Variants in MYO16 observed in about 807,000 individuals in gnomAD.
MYO16 encodes unconventional myosin-XVI.
A neutral mutation model predicts 205.3 loss-of-function variants in MYO16; 94 were observed. The ratio of observed to expected loss-of-function variants is 0.46; its 90% confidence interval spans 0.39 to 0.54. The LOEUF (loss-of-function observed/expected upper bound fraction) is 0.54, where lower values mean the gene tolerates loss of function less well. Ranked by LOEUF, MYO16 falls within the 20% of genes least tolerant of loss-of-function variation. MYO16 has a pLI of 0.00. For synonymous variants in MYO16, 988 were observed against 954.0 expected, an observed-to-expected ratio of 1.04 and a Z score of -0.66; for missense variants, 2,315 against 2,387.5, an observed-to-expected ratio of 0.97 and a Z score of 0.63.
At chr13:108,808,807 AATG>A (rs1406821603) in intron 7 of MYO16, among the ~76,000 whole-genome samples, 2 of 152,210 alleles carry the variant, frequency 1.3e-5, no homozygotes, top group Non-Finnish European at 2.9e-5. Flanking sequence ...AAAACCCTTT[AATG>A]ATTAACATAT....
intron 34 of MYO16, among the ~76,000 whole-genome samples, chr13:109,201,940 C>G (rs72658233): frequency 0.23 from 34,662 of 151,680 alleles, 4,127 homozygotes; most frequent in Middle Eastern, 0.25. Context: ...ACTTTTTATG[C>G]CAGAGTAGTA....
Position 108,785,834 on chromosome 13 carries a change from C to A in MYO16, c.616+91C>A, listed in dbSNP as rs184903440. Reference sequence around the variant, plus strand: ...TTCACAGGTTTGCTTACATGATTTCCGATGGATGTAGTTTCCGCACGTGGT... The same window carrying A: ...TTCACAGGTTTGCTTACATGATTTCAGATGGATGTAGTTTCCGCACGTGGT... On this transcript the variant is annotated intron_variant, in intron 5 of 34. Transcript: ENST00000457511. The A allele has an allele frequency of 3.6e-6, 3 of 835,418 alleles. No individual in the cohort carries two copies. The African/African-American group carries it at 5.1e-5, about 14-fold the overall frequency. 51.8% of individuals were successfully genotyped at this position (835,418 alleles called of 1,614,324 possible).
At chr13:108,872,089 A>T (rs1489699875) in intron 12 of MYO16, among the ~76,000 whole-genome samples, 1 of 152,184 alleles carries the variant, frequency 6.6e-6, no homozygotes, top group Non-Finnish European at 1.5e-5. Context: ...TTAATTCTGT[A>T]TGCACCAAGG....
rs560815999 is a variant in MYO16, at chr13:109,164,929, C to T, written c.5193C>T (p.Ser1731=). The T allele has an allele frequency of 9.5e-6, 15 of 1,586,806 alleles. No homozygotes were observed. The South Asian group carries it at 1.4e-4, about 15-fold the overall frequency. ...EGFETNMNIS[S]RDDPSTSEIT... is the part of the protein sequence containing the mutation. ...TTGAAACTAACATGAACATAAGTAG[C>T]CGAGATGACCCTAGTACGTCAGAAA... The change falls in exon 33 of 35, where the codon AGC becomes AGT. Residue 1731 remains serine, a synonymous_variant. Transcript: ENST00000457511.
At chr13:108,757,944 A>G (rs9559404) in intron 4 of MYO16, among the ~76,000 whole-genome samples, 1 of 152,310 alleles carries the variant, frequency 6.6e-6, no homozygotes, top group East Asian at 1.9e-4. Context: ...AAAAATTCAT[A>G]GGTTGCAATT....
At position 109,127,457 on chromosome 13, in the gene MYO16, C is replaced by G. The variant is rs1184436105; in HGVS notation, c.3958C>G (p.Pro1320Ala). ...SLPSPRKQPPPKPKRDPNTRL... is the reference protein window; with the variant it reads ...SLPSPRKQPPAKPKRDPNTRL... ...CCCGTCTCCACGGAAACAGCCCCCG[C>G]CCAAGCCAAAGAGGGACCCCAACAC... The change falls in exon 31 of 35, where the codon CCC becomes GCC. Residue 1320 changes from proline to alanine, a missense_variant. By Grantham distance (27) the Pro-to-Ala change is conservative (BLOSUM62 -1). Around this residue, in one of 3 missense-constraint regions of MYO16, gnomAD observed 1,097 missense variants for 1,092.0 expected, o/e 1.00. Transcript: ENST00000457511. This position sits in a 1 kb window ranked among gnomAD's most constrained non-coding sequence, Gnocchi z 4.2. 3.1e-6 allele frequency: 5 copies of G among 1,613,908 alleles called. No homozygotes were observed. In the East Asian group the frequency reaches 1.1e-4, roughly 36 times the overall value.
Position 109,171,720 on chromosome 13 carries a change from G to T in MYO16, c.5323+6661G>T, listed in dbSNP as rs1025292482. Reference sequence around the variant, plus strand: ...TTGTGAACATAAAGATGTTTATTTTGTGGGGACACACAGATATAAAAAATT... The same window carrying T: ...TTGTGAACATAAAGATGTTTATTTTTTGGGGACACACAGATATAAAAAATT... On this transcript the variant is annotated intron_variant, in intron 33 of 34. Coordinates refer to ENST00000457511, the MANE Select transcript of MYO16 (RefSeq NM_001198950.3). Among the ~76,000 whole-genome samples the T allele has an allele frequency of 3.9e-5, 6 of 152,210 alleles. No homozygotes were observed. In the South Asian group the frequency reaches 1.2e-3, roughly 32 times the overall value.
At chr13:108,880,605 T>C (rs571784479) in intron 12 of MYO16, among the ~76,000 whole-genome samples, 1 of 152,300 alleles carries the variant, frequency 6.6e-6, no homozygotes, top group South Asian at 2.1e-4. Context: ...CCCAGCACCA[T>C]TTATTAAATA....
chr13:108,496,567 G>A, the MYO16 span, among the ~76,000 whole-genome samples: 1 of 152,182 alleles, frequency 6.6e-6, no homozygotes, highest in African/African-American at 2.4e-5. Context: ...GAGCCTCAGC[G>A]CATCGCCCCG....
chr13:109,015,497 C>T (rs2139501187), intron 22 of MYO16, among the ~76,000 whole-genome samples: 1 of 152,264 alleles, frequency 6.6e-6, no homozygotes, highest in Non-Finnish European at 1.5e-5. Context: ...ATGGTGGATT[C>T]CCTCTTTTTC....
chr13:108,748,655 G>A (rs1392625344), intron 4 of MYO16, among the ~76,000 whole-genome samples: 1 of 152,066 alleles, frequency 6.6e-6, no homozygotes, highest in Non-Finnish European at 1.5e-5. Flanking sequence ...AAACAAGGGA[G>A]AAAGCCCACA....
intron 20 of MYO16, among the ~76,000 whole-genome samples, chr13:108,978,452 T>C (rs1365003043): frequency 6.6e-6 from 1 of 152,096 alleles, no homozygotes; most frequent in Non-Finnish European, 1.5e-5. Context: ...ACAAATATTT[T>C]CTAATGGTTT....
At chr13:108,628,986 T>G (rs1293602188), upstream of MYO16, among the ~76,000 whole-genome samples, 1 of 146,070 alleles carries the variant, frequency 6.8e-6, no homozygotes, top group Non-Finnish European at 1.6e-5. Context: ...ATATTCACTT[T>G]TATAACAATA....
chr13:108,534,367 A>G, the MYO16 span, among the ~76,000 whole-genome samples: 1 of 152,132 alleles, frequency 6.6e-6, no homozygotes, highest in African/African-American at 2.4e-5. Context: ...TAGTTTTGAC[A>G]TAATATTCAT....
intron 14 of MYO16, 72 bp from the exon 15 acceptor site, chr13:108,897,944 T>C (rs1880509686): frequency 8.7e-7 from 1 of 1,145,432 alleles, no homozygotes; most frequent in African/African-American, 1.5e-5. Flanking sequence ...ATTCACTGCA[T>C]CGTCGCTATT....
chr13:108,696,811 A>T (rs1263167416), intron 2 of MYO16, among the ~76,000 whole-genome samples: 1 of 152,050 alleles, frequency 6.6e-6, no homozygotes, highest in African/African-American at 2.4e-5. Context: ...AAGTCAGAAG[A>T]CCCTACCTGT....
At chr13:108,674,565 G>T (rs1461405824) in intron 2 of MYO16, among the ~76,000 whole-genome samples, 1 of 152,128 alleles carries the variant, frequency 6.6e-6, no homozygotes, top group Non-Finnish European at 1.5e-5. Flanking sequence ...TTGAAAATGC[G>T]ATGCTCTATA....
At chr13:108,663,712 A>G (rs1881603785) in intron 1 of MYO16, among the ~76,000 whole-genome samples, 1 of 152,238 alleles carries the variant, frequency 6.6e-6, no homozygotes, top group South Asian at 2.1e-4. Flanking sequence ...TTTCACCAAG[A>G]GACGCTTCTT....
chr13:108,894,906 T>C (rs1021712018), intron 14 of MYO16, among the ~76,000 whole-genome samples: 2 of 152,198 alleles, frequency 1.3e-5, no homozygotes, highest in African/African-American at 4.8e-5. Context: ...TGACATTAAA[T>C]TTATTGGAAC....
Sources: gnomAD v4.1 joint callset for allele counts (sites outside exome capture counted in the v4.1 genomes callset) on GRCh38, gnomAD v4.1.1 for gene constraint, gnomAD v4.1.1 regional missense constraint, Gnocchi (gnomAD v3.1) non-coding constraint, MANE v1.5 for transcripts, NCBI Gene and HGNC (gene_info 2026-07-23, HGNC 2026-07-21) for gene names.